Variants in ANKRD13B observed in about 807,000 individuals in gnomAD.
ANKRD13B encodes ankyrin repeat domain 13B, also known as ankyrin repeat domain-containing protein 13B.
ANKRD13B carries 33 observed loss-of-function variants against 74.4 expected under a neutral mutation model. The ratio of observed to expected loss-of-function variants is 0.44; its 90% CI spans 0.34 to 0.59. ANKRD13B has a LOEUF of 0.59. Among genes scored for constraint, ANKRD13B ranks in the 20% least tolerant of loss-of-function variants. The pLI is 0.02. For synonymous variants in ANKRD13B, 341 were observed against 362.9 expected (o/e 0.94, Z 0.68); for missense variants, 676 against 877.9 (o/e 0.77, Z 2.91).
At chr17:29,607,628 C>T (rs2034434774) in intron 1 of ANKRD13B, 114 bp from the exon 2 acceptor site, 2 of 1,426,354 alleles carry the variant, frequency 1.4e-6, no homozygotes, top group African/African-American at 2.9e-5. Flanking sequence ...GTTGGTGAGG[C>T]AGAGCAGCCC....
Position 29,614,235 on chromosome 17 carries a change from ATTTTTTTTTTT to A in ANKRD13B, c.*662_*672del, listed in dbSNP as rs556384866. 1 of 127,720 alleles carries A rather than the reference ATTTTTTTTTTT, an allele frequency of 7.8e-6. No individual in the cohort carries two copies. Among genetic ancestry groups the A allele is most frequent in the Admixed American group, 7.8e-5 (1 of 12,872 alleles). The allele number at this position is 127,720 out of a possible 1,614,324, so 7.9% of individuals were successfully genotyped here. A position where few individuals can be genotyped will look rare whatever the true frequency, so the allele number is the denominator to read the frequency against. On this transcript the variant is annotated 3_prime_UTR_variant, in exon 15 of 15. Transcript: ENST00000394859. ...GTTGGAGTCCCATCCCCCAAGGCAC[ATTTTTTTTTTT>A]TTTTTTTTGTGATCAGGGAGTGTGT...
rs1046020225 is a variant in ANKRD13B at position 29,611,981 on chromosome 17, A to G, written c.1075A>G (p.Met359Val). The G allele has an allele frequency of 2.5e-6, 4 of 1,613,554 alleles. No homozygotes were observed. Among genetic ancestry groups the G allele is most frequent in the African/African-American group, 1.3e-5 (1 of 74,888 alleles). ...GGGCAACCGTGATATGGGCCGCCCC[A>G]TGGAACTGACCACCAAGACACAGAA... is the stretch of plus-strand genomic sequence containing the variant. ...ELGNRDMGRPMELTTKTQKFK... is the reference protein window; with the variant it reads ...ELGNRDMGRPVELTTKTQKFK... Residue 359 changes from methionine to valine, a missense_variant, in exon 10 of 15, where the codon ATG becomes GTG. Met to Val is a conservative substitution (Grantham distance 21). Transcript: ENST00000394859. The surrounding 1 kb of genome is among the most constrained non-coding windows in gnomAD (Gnocchi z 4.3).
rs1017636514 is a variant in ANKRD13B at position 29,593,582 on chromosome 17, C to T, written c.-40C>T. 4.5e-6 allele frequency: 5 copies of T among 1,111,736 alleles called. No homozygotes were observed. The African/African-American group carries it at 6.7e-5, about 15-fold the overall frequency. 68.9% of individuals were successfully genotyped at this position (1,111,736 alleles called of 1,614,324 possible). On this transcript the variant is annotated 5_prime_UTR_variant, in exon 1 of 15. Coordinates refer to ENST00000394859, the MANE Select transcript of ANKRD13B (RefSeq NM_152345.5). The stretch of plus-strand genomic sequence containing the variant: ...CCCCGGCTCCGGCGCCGTCCCTCCT[C>T]CCCGGCCGGGCGCCGCGGCCCCGGC...
chr17:29,611,899 C>T lies in ANKRD13B; in HGVS notation c.993C>T (p.Ser331=), dbSNP rs2034591141. The part of the protein sequence containing the change: ...QNGTLITQTL[S]QANPTAITAE... ...AGACCCTGATCACTCAGACTCTGAG[C>T]CAAGCCAACCCCACTGCCATCACTG... Residue 331 remains serine (S), a synonymous_variant, in exon 10 of 15, where the codon AGC becomes AGT. Transcript: ENST00000394859. This position sits in a 1 kb window ranked among gnomAD's most constrained non-coding sequence, Gnocchi z 4.3. 2 of 1,612,840 alleles carry T rather than the reference C, an allele frequency of 1.2e-6. No homozygotes were observed. The highest frequency in any genetic ancestry group is 2.7e-5 in the African/African-American group (2 of 74,898).
rs1364244561 is a variant in ANKRD13B, at chr17:29,606,125, G to A, written c.115-1617G>A. Among the ~76,000 whole-genome samples, 3 of 151,270 alleles carry A rather than the reference G, an allele frequency of 2.0e-5. No individual in the cohort carries two copies. In the East Asian group the frequency reaches 6.0e-4, roughly 30 times the overall value. On this transcript the variant is annotated intron_variant, in intron 1 of 14. Coordinates refer to ENST00000394859, the MANE Select transcript of ANKRD13B (RefSeq NM_152345.5). ...TGGGGTTTCTCCATGTTGTCAGGCT[G>A]GTCTCGAACTCCCAACCTCAGGTGA...
intron 1 of ANKRD13B, 97 bp downstream of exon 1, chr17:29,593,832 C>G (rs1221417653): frequency 3.2e-6 from 2 of 622,310 alleles, no homozygotes; most frequent in Non-Finnish European, 4.5e-6. Context: ...GCCTCCCTGG[C>G]GAGTTTGCGG....
At chr17:29,601,052 T>C (rs528011050) in intron 1 of ANKRD13B, among the ~76,000 whole-genome samples, 35 of 150,652 alleles carry the variant, frequency 2.3e-4, no homozygotes, top group Non-Finnish European at 3.1e-4. Flanking sequence ...AGCCTCCCAG[T>C]AGCTGGGACG....
intron 1 of ANKRD13B, among the ~76,000 whole-genome samples, chr17:29,603,221 C>A (rs997296442): frequency 7.2e-5 from 11 of 152,106 alleles, no homozygotes; most frequent in African/African-American, 2.4e-4. Context: ...ATATATGTTA[C>A]AATGCTTGAT....
In ANKRD13B at chr17:29,607,985, G is replaced by A; in HGVS notation, c.251-1G>A. The A allele has an allele frequency of 6.2e-7, 1 of 1,603,042 alleles. No homozygotes were observed. Among genetic ancestry groups the A allele is most frequent in the Non-Finnish European group, 8.5e-7 (1 of 1,173,642 alleles). On this transcript the variant is annotated splice_acceptor_variant, in intron 2 of 14. Coordinates refer to ENST00000394859, the MANE Select transcript of ANKRD13B (RefSeq NM_152345.5). LOFTEE classifies it high-confidence loss of function. ...TGTGACCTTGCCTCGCCCTCCCCCA[G>A]TGCTCCAGGAGGCTGTGAGTACCCG...
intron 1 of ANKRD13B, 161 bp downstream of exon 1, chr17:29,593,896 T>TGGGAGCGGGCCCGGCCCGCA: frequency 4.9e-6 from 1 of 203,806 alleles, no homozygotes; most frequent in Non-Finnish European, 7.7e-6. Context: ...GAAAGGGTGA[T>TGGGAGCGGGCCCGGCCCGCA]CCCCTCCGGC....
At chr17:29,600,293 G>A (rs1264526802) in intron 1 of ANKRD13B, among the ~76,000 whole-genome samples, 2 of 152,124 alleles carry the variant, frequency 1.3e-5, no homozygotes, top group Non-Finnish European at 2.9e-5. Flanking sequence ...GCTCAGGGAT[G>A]TGTGGGTGCT....
intron 1 of ANKRD13B, among the ~76,000 whole-genome samples, chr17:29,606,646 C>T (rs1261031227): frequency 2.1e-5 from 3 of 141,716 alleles, no homozygotes; most frequent in Non-Finnish European, 4.5e-5. Flanking sequence ...ATCCCAGCTG[C>T]TTGGGAGGCT....
In ANKRD13B at chr17:29,609,471, C is replaced by T. The variant is rs2150898806; in HGVS notation, c.822+50C>T. The T allele has an allele frequency of 3.7e-6, 6 of 1,601,620 alleles. No individual in the cohort carries two copies. Among genetic ancestry groups the T allele is most frequent in the Non-Finnish European group, 5.1e-6 (6 of 1,172,026 alleles). The stretch of plus-strand genomic sequence containing the variant: ...AGCCCAGCTGCACTCTTGCCTACAG[C>T]AAGCTGTACAGGGGATTCTGACCTC... On this transcript the variant is annotated intron_variant, in intron 7 of 14. Coordinates refer to ENST00000394859, the MANE Select transcript of ANKRD13B (RefSeq NM_152345.5). The surrounding 1 kb of genome is among the most constrained non-coding windows in gnomAD (Gnocchi z 4.0).
chr17:29,597,213 G>T (rs1261495580), intron 1 of ANKRD13B, among the ~76,000 whole-genome samples: 2 of 152,192 alleles, frequency 1.3e-5, no homozygotes, highest in African/African-American at 4.8e-5. Context: ...CTTAACAAAA[G>T]GATTCTGCTC....
At position 29,609,305 on chromosome 17, in the gene ANKRD13B, A is replaced by G. The variant is rs1281109008; in HGVS notation, c.755+30A>G. 1 of 1,613,170 alleles carries G rather than the reference A, an allele frequency of 6.2e-7. No individual in the cohort carries two copies. The highest frequency in any genetic ancestry group is 1.7e-5 in the Admixed American group (1 of 59,958). ...GTGGACATGGCCTTGGTCACCCTTGAGCCAGCCCGGTGGGGTGCCTGCCTC... is the reference window on the plus strand; with the variant it reads ...GTGGACATGGCCTTGGTCACCCTTGGGCCAGCCCGGTGGGGTGCCTGCCTC... On this transcript the variant is annotated intron_variant, in intron 6 of 14. Coordinates refer to ENST00000394859, the MANE Select transcript of ANKRD13B (RefSeq NM_152345.5). The surrounding 1 kb of genome is among the most constrained non-coding windows in gnomAD (Gnocchi z 4.0).
At chr17:29,610,167 G>A (rs2034532411) in intron 7 of ANKRD13B, among the ~76,000 whole-genome samples, 1 of 150,762 alleles carries the variant, frequency 6.6e-6, no homozygotes, top group Non-Finnish European at 1.5e-5. Flanking sequence ...ACTCCAGCCT[G>A]GGCAACAGAG....
intron 2 of ANKRD13B, 47 bp downstream of exon 2, chr17:29,607,924 C>T: frequency 1.3e-6 from 2 of 1,575,862 alleles, no homozygotes; most frequent in East Asian, 2.3e-5. Flanking sequence ...GCCTCCCCAG[C>T]ATCATAGACC....
At chr17:29,602,209 C>A (rs867251286) in intron 1 of ANKRD13B, among the ~76,000 whole-genome samples, 24 of 151,936 alleles carry the variant, frequency 1.6e-4, no homozygotes, top group African/African-American at 5.8e-4. Context: ...TGCTGGCTAA[C>A]ACGGTGAAAC....
rs2034090930 is a variant in ANKRD13B, at chr17:29,599,865, G to GTTGTTTTTTTTTT, written c.114+6132_114+6133insGTTTTTTTTTTTT. On this transcript the variant is annotated intron_variant, in intron 1 of 14. Transcript: ENST00000394859. ...CCTCTGGGTTCTTAGCATCTAATTTGTTTTTTTTTTTTTTTTTTTTTTTTT... is the reference window on the plus strand; with the variant it reads ...CCTCTGGGTTCTTAGCATCTAATTTGTTGTTTTTTTTTTTTTTTTTTTTTTTTTTTTTTTTTTT... Among the ~76,000 whole-genome samples the GTTGTTTTTTTTTT allele has an allele frequency of 1.2e-4, 6 of 50,770 alleles. 1 individual carries two copies. The highest frequency in any genetic ancestry group is 4.4e-4 in the African/African-American group (6 of 13,572). The allele number at this position is 50,770 out of a possible 152,430, so 33.3% of individuals were successfully genotyped here.
Sources: allele counts gnomAD v4.1 joint callset (sites outside exome capture counted in the v4.1 genomes callset), GRCh38; gene constraint gnomAD v4.1.1; non-coding constraint Gnocchi (gnomAD v3.1); transcripts MANE v1.5; gene names NCBI Gene and HGNC (gene_info 2026-07-23, HGNC 2026-07-21).